XKR8: variants seen among roughly 807,000 people sequenced by gnomAD.
XKR8 encodes XK related 8.
In XKR8, 10 loss-of-function variants were observed where a neutral mutation model predicts 17.1. The ratio of observed to expected loss-of-function variants is 0.59; its 90% CI spans 0.36 to 0.99. XKR8 has a LOEUF of 0.99. Ranked by LOEUF, XKR8 falls within the 50% of genes least tolerant of loss-of-function variation. The pLI, the probability that XKR8 is intolerant of heterozygous loss-of-function variation, is 0.01. For synonymous variants in XKR8, 213 were observed against 251.9 expected (o/e 0.85, Z 1.46); for missense variants, 411 against 515.6 (o/e 0.80, Z 1.96).
In XKR8 at chr1:27,966,371, T is replaced by G. The variant is rs1638567270; in HGVS notation, c.491-132T>G. On this transcript the variant is annotated intron_variant, in intron 2 of 2. Coordinates refer to ENST00000373884, the MANE Select transcript of XKR8 (RefSeq NM_018053.4). This position sits in a 1 kb window ranked among gnomAD's most constrained non-coding sequence, Gnocchi z 4.3. ...CACTGGGTCTTCTCTAGCTGCAGAT[T>G]TGCCTTCAACAAACGAGGGATTCTA... is the stretch of plus-strand genomic sequence containing the variant. 1 of 821,024 alleles carries G rather than the reference T, an allele frequency of 1.2e-6. No homozygotes were observed. The highest frequency in any genetic ancestry group is 1.8e-5 in the South Asian group (1 of 55,474). The allele number at this position is 821,024 out of a possible 1,614,324, so 50.9% of individuals were successfully genotyped here.
intron 1 of XKR8, 32 bp from the exon 2 acceptor site, chr1:27,963,461 AACCT>A: frequency 1.9e-6 from 3 of 1,575,808 alleles, no homozygotes; most frequent in Non-Finnish European, 2.6e-6. Context: ...ACAGGACACT[AACCT>A]GGCCCTCTGG....
intron 1 of XKR8, among the ~76,000 whole-genome samples, chr1:27,961,051 T>C (rs1267974644): frequency 1.3e-5 from 2 of 152,228 alleles, no homozygotes; most frequent in Non-Finnish European, 2.9e-5. Flanking sequence ...TCAGCAGCCC[T>C]GACCCCACCA....
Position 27,960,916 on chromosome 1 carries a change from G to A in XKR8, c.293+554G>A, listed in dbSNP as rs1213675908. 1.3e-5 allele frequency among the ~76,000 whole-genome samples: 2 copies of A among 152,238 alleles called. No individual in the cohort carries two copies. Among genetic ancestry groups the A allele is most frequent in the Non-Finnish European group, 2.9e-5 (2 of 68,040 alleles). The stretch of plus-strand genomic sequence containing the variant: ...GGGCTGTTTGGTTGCTGTTCCCATT[G>A]GGATGGGGATAGCGCCTGCCCGTTT... On this transcript the variant is annotated intron_variant, in intron 1 of 2. Transcript: ENST00000373884. This position sits in a 1 kb window ranked among gnomAD's most constrained non-coding sequence, Gnocchi z 5.9.
Position 27,966,696 on chromosome 1 carries a change from T to C in XKR8, c.684T>C (p.Tyr228=). 1.9e-6 allele frequency: 3 copies of C among 1,614,154 alleles called. No homozygotes were observed. The highest frequency in any genetic ancestry group is 2.5e-6 in the Non-Finnish European group (3 of 1,180,010). ...VALFSALFPS[Y]VALHFLGLWL... ...TGTTCTCAGCCCTCTTCCCCAGCTA[T>C]GTGGCCCTGCACTTCCTGGGCCTGT... Residue 228 remains tyrosine, a synonymous_variant, in exon 3 of 3, where the codon TAT becomes TAC. Transcript: ENST00000373884. This position sits in a 1 kb window ranked among gnomAD's most constrained non-coding sequence, Gnocchi z 4.3.
Position 27,966,765 on chromosome 1 carries a change from C to A in XKR8, c.753C>A (p.Phe251Leu). ...LLWVWLQGTD[F>L]MPDPSSEWLY... Reference sequence around the variant, plus strand: ...GGGTCTGGCTTCAGGGCACAGACTTCATGCCGGACCCCAGCTCCGAGTGGC... The same window carrying A: ...GGGTCTGGCTTCAGGGCACAGACTTAATGCCGGACCCCAGCTCCGAGTGGC... The change falls in exon 3 of 3, where the codon TTC becomes TTA. Residue 251 changes from phenylalanine (F) to leucine (L), a missense_variant. Coordinates refer to ENST00000373884, the MANE Select transcript of XKR8 (RefSeq NM_018053.4). The surrounding 1 kb of genome is among the most constrained non-coding windows in gnomAD (Gnocchi z 4.3). The A allele has an allele frequency of 6.2e-7, 1 of 1,614,032 alleles. No homozygotes were observed. The highest frequency in any genetic ancestry group is 8.5e-7 in the Non-Finnish European group (1 of 1,179,958).
Position 27,966,620 on chromosome 1 carries a change from A to G in XKR8, c.608A>G (p.Tyr203Cys), listed in dbSNP as rs558838429. The change falls in exon 3 of 3, where the codon TAC becomes TGC. Residue 203 changes from tyrosine to cysteine, a missense_variant. Transcript: ENST00000373884. This position sits in a 1 kb window ranked among gnomAD's most constrained non-coding sequence, Gnocchi z 4.3. Reference sequence around the variant, plus strand: ...CTGGGCCTGGGCTCCTCCGTGATCTACTTCCTGTGGAACCTGCTGCTGCTG... The same window carrying G: ...CTGGGCCTGGGCTCCTCCGTGATCTGCTTCCTGTGGAACCTGCTGCTGCTG... ...PLLGLGSSVI[Y>C]FLWNLLLLWP... is the part of the protein sequence containing the mutation. The G allele has an allele frequency of 6.2e-7, 1 of 1,613,756 alleles. No homozygotes were observed. Among genetic ancestry groups the G allele is most frequent in the Admixed American group, 1.7e-5 (1 of 59,992 alleles).
chr1:27,965,785 G>A lies in XKR8; in HGVS notation c.491-718G>A, dbSNP rs1441073226. Among the ~76,000 whole-genome samples, 5 of 152,298 alleles carry A rather than the reference G, an allele frequency of 3.3e-5. No homozygotes were observed. Among genetic ancestry groups the A allele is most frequent in the South Asian group, 4.1e-4 (2 of 4,820 alleles). On this transcript the variant is annotated intron_variant, in intron 2 of 2. Coordinates refer to ENST00000373884, the MANE Select transcript of XKR8 (RefSeq NM_018053.4). This position sits in a 1 kb window ranked among gnomAD's most constrained non-coding sequence, Gnocchi z 4.1. ...CATCTGTCGAATGACTGCGGTGGAC[G>A]GGGACAGGGGAGGAAGCAGTCGGGA...
rs760735355 is a variant in XKR8 at position 27,963,611 on chromosome 1, C to T, written c.408C>T (p.Phe136=). 4.3e-6 allele frequency: 7 copies of T among 1,613,920 alleles called. No homozygotes were observed. The highest frequency in any genetic ancestry group is 1.7e-4 in the Middle Eastern group (1 of 6,060). ...LALDISMLRL[F]ETFLETAPQL... is the part of the protein sequence containing the mutation. ...TGGACATCAGCATGCTGCGGCTCTT[C>T]GAGACCTTCTTGGAGACGGCACCAC... Residue 136 remains phenylalanine, a synonymous_variant, in exon 2 of 3, where the codon TTC becomes TTT. Transcript: ENST00000373884.
rs761173530 is a variant in XKR8, at chr1:27,966,859, G to C, written c.847G>C (p.Gly283Arg). ...CAACGTGGCTGAGGGCCGCACCCGA[G>C]GCCGGGCCATCATCCACTTCGCCTT... is the stretch of plus-strand genomic sequence containing the variant. ...WFNVAEGRTR[G>R]RAIIHFAFLL... Residue 283 changes from glycine (G) to arginine (R), a missense_variant, in exon 3 of 3, where the codon GGC becomes CGC. Gly to Arg is a moderately radical substitution (Grantham distance 125, BLOSUM62 -2). Coordinates refer to ENST00000373884, the MANE Select transcript of XKR8 (RefSeq NM_018053.4). This position sits in a 1 kb window ranked among gnomAD's most constrained non-coding sequence, Gnocchi z 4.3. The C allele has an allele frequency of 6.2e-7, 1 of 1,614,054 alleles. No homozygotes were observed. The highest frequency in any genetic ancestry group is 8.5e-7 in the Non-Finnish European group (1 of 1,180,038).
chr1:27,963,367 T>G, intron 1 of XKR8, 130 bp from the exon 2 acceptor site: 3 of 1,131,998 alleles, frequency 2.7e-6, no homozygotes, highest in Non-Finnish European at 3.7e-6. Context: ...GTTAGGACAT[T>G]GCCGAAGGCC....
In XKR8 at chr1:27,966,538, T is replaced by G; in HGVS notation, c.526T>G (p.Trp176Gly). 6.2e-7 allele frequency: 1 copy of G among 1,613,898 alleles called. No homozygotes were observed. The highest frequency in any genetic ancestry group is 8.5e-7 in the Non-Finnish European group (1 of 1,179,904). ...GICTSFLGIS[W>G]ALLDYHRALR... Reference sequence around the variant, plus strand: ...CTGCACATCCTTCCTGGGCATCTCGTGGGCACTGCTCGACTACCACCGGGC... The same window carrying G: ...CTGCACATCCTTCCTGGGCATCTCGGGGGCACTGCTCGACTACCACCGGGC... The change falls in exon 3 of 3, where the codon TGG becomes GGG. Residue 176 changes from tryptophan (W) to glycine (G), a missense_variant. By Grantham distance (184) the Trp-to-Gly change is radical. Coordinates refer to ENST00000373884, the MANE Select transcript of XKR8 (RefSeq NM_018053.4). This position sits in a 1 kb window ranked among gnomAD's most constrained non-coding sequence, Gnocchi z 4.3.
rs776247638 is a variant in XKR8, at chr1:27,966,636, G to A, written c.624G>A (p.Leu208=). 6.2e-7 allele frequency: 1 copy of A among 1,614,064 alleles called. No homozygotes were observed. The highest frequency in any genetic ancestry group is 2.2e-5 in the East Asian group (1 of 44,874). ...GSSVIYFLWN[L]LLLWPRVLAV... is the part of the protein sequence containing the mutation. ...CCGTGATCTACTTCCTGTGGAACCT[G>A]CTGCTGCTGTGGCCCCGAGTCCTGG... Residue 208 remains leucine, a synonymous_variant, in exon 3 of 3, where the codon CTG becomes CTA. Transcript: ENST00000373884. This position sits in a 1 kb window ranked among gnomAD's most constrained non-coding sequence, Gnocchi z 4.3.
intron 1 of XKR8, among the ~76,000 whole-genome samples, chr1:27,961,348 G>T (rs1374448071): frequency 2.0e-5 from 3 of 152,200 alleles, no homozygotes; most frequent in Admixed American, 6.5e-5. Flanking sequence ...GGTTGGGATG[G>T]GGTGGCCAGG....
chr1:27,966,686 T>G lies in XKR8; in HGVS notation c.674T>G (p.Phe225Cys). The change falls in exon 3 of 3, where the codon TTC becomes TGC. Residue 225 changes from phenylalanine (F) to cysteine (C), a missense_variant. Phe to Cys is a radical substitution (Grantham distance 205). Transcript: ENST00000373884. The surrounding 1 kb of genome is among the most constrained non-coding windows in gnomAD (Gnocchi z 4.3). ...VLAVALFSAL[F>C]PSYVALHFLG... ...GCTGTGGCCCTGTTCTCAGCCCTCT[T>G]CCCCAGCTATGTGGCCCTGCACTTC... The G allele has an allele frequency of 6.2e-7, 1 of 1,613,988 alleles. No homozygotes were observed. Among genetic ancestry groups the G allele is most frequent in the South Asian group, 1.1e-5 (1 of 91,076 alleles).
At position 27,960,499 on chromosome 1, in the gene XKR8, C is replaced by A; in HGVS notation, c.293+137C>A. 1.1e-6 allele frequency: 1 copy of A among 875,904 alleles called. No homozygotes were observed. The allele number at this position is 875,904 out of a possible 1,614,324, so 54.3% of individuals were successfully genotyped here. A position where few individuals can be genotyped will look rare whatever the true frequency, so the allele number is the denominator to read the frequency against. On this transcript the variant is annotated intron_variant, in intron 1 of 2. Transcript: ENST00000373884. This position sits in a 1 kb window ranked among gnomAD's most constrained non-coding sequence, Gnocchi z 5.9. ...CCAAGTCCTGTGGGCGCCTGGCCTA[C>A]AGGTGAGCGTGCAGCCCTTTACGGA...
At chr1:27,962,112 G>A (rs367654772) in intron 1 of XKR8, among the ~76,000 whole-genome samples, 1 of 152,202 alleles carries the variant, frequency 6.6e-6, no homozygotes, top group East Asian at 1.9e-4. Context: ...TGCCCAAGAG[G>A]CAAATGTCCT....
chr1:27,966,414 G>A lies in XKR8; in HGVS notation c.491-89G>A, dbSNP rs1257847360. 61 of 1,309,190 alleles carry A rather than the reference G, an allele frequency of 4.7e-5. 1 individual carries two copies. Among genetic ancestry groups the A allele is most frequent in the Non-Finnish European group, 5.5e-5 (52 of 943,276 alleles). 81.1% of individuals were successfully genotyped at this position (1,309,190 alleles called of 1,614,324 possible). A position where few individuals can be genotyped will look rare whatever the true frequency, so the allele number is the denominator to read the frequency against. ...GGATTCTAATACCTACCCCAGGGTTGCTGGGAGGGCCCCCACGGTACCTGT... is the reference window on the plus strand; with the variant it reads ...GGATTCTAATACCTACCCCAGGGTTACTGGGAGGGCCCCCACGGTACCTGT... On this transcript the variant is annotated intron_variant, in intron 2 of 2. Coordinates refer to ENST00000373884, the MANE Select transcript of XKR8 (RefSeq NM_018053.4). This position sits in a 1 kb window ranked among gnomAD's most constrained non-coding sequence, Gnocchi z 4.3.
rs1333171550 is a variant in XKR8 at position 27,960,206 on chromosome 1, C to T, written c.137C>T (p.Ala46Val). The change falls in exon 1 of 3, where the codon GCG becomes GTG. Residue 46 changes from alanine to valine, a missense_variant. Coordinates refer to ENST00000373884, the MANE Select transcript of XKR8 (RefSeq NM_018053.4). This position sits in a 1 kb window ranked among gnomAD's most constrained non-coding sequence, Gnocchi z 5.9. Reference sequence around the variant, plus strand: ...GCGCTCGGCGGCCGCTACCTGTGGGCGGCGCTGGTGCTGGCGCTGCTGGGC... The same window carrying T: ...GCGCTCGGCGGCCGCTACCTGTGGGTGGCGCTGGTGCTGGCGCTGCTGGGC... Reference protein sequence around the residue: ...QYALGGRYLWAALVLALLGLA... With the variant: ...QYALGGRYLWVALVLALLGLA... 2 of 1,526,562 alleles carry T rather than the reference C, an allele frequency of 1.3e-6. No homozygotes were observed. Among genetic ancestry groups the T allele is most frequent in the African/African-American group, 1.4e-5 (1 of 71,570 alleles). 94.6% of individuals were successfully genotyped at this position (1,526,562 alleles called of 1,614,324 possible). A position where few individuals can be genotyped will look rare whatever the true frequency, so the allele number is the denominator to read the frequency against.
chr1:27,964,159 T>TC (rs1482053495), intron 2 of XKR8: 10 of 99,138 alleles, frequency 1.0e-4, no homozygotes, highest in African/African-American at 3.3e-4. Context: ...AATTTTTCTT[T>TC]CTTTTTTTTT....
Sources: gnomAD v4.1 joint callset for allele counts (sites outside exome capture counted in the v4.1 genomes callset) on GRCh38, gnomAD v4.1.1 for gene constraint, Gnocchi (gnomAD v3.1) non-coding constraint, MANE v1.5 for transcripts, NCBI Gene and HGNC (gene_info 2026-07-23, HGNC 2026-07-21) for gene names.